The following CLSTN2 variants were observed in gnomAD, a reference collection of about 807,000 sequenced individuals.
CLSTN2 encodes calsyntenin 2.
Under a neutral mutation model 101.2 loss-of-function variants are expected in CLSTN2, and 48 were observed. The ratio of observed to expected loss-of-function variants is 0.47; its 90% confidence interval spans 0.38 to 0.60. CLSTN2 has a LOEUF of 0.60. Among genes scored for constraint, CLSTN2 ranks in the 20% least tolerant of loss-of-function variants. The pLI is 0.00. For synonymous variants in CLSTN2, 481 were observed against 463.6 expected, an observed-to-expected ratio of 1.04 and a Z score of -0.48; for missense variants, 1,160 against 1,238.2, an observed-to-expected ratio of 0.94 and a Z score of 0.95.
chr3:140,245,534 T>G (rs1243889022), intron 2 of CLSTN2, among the ~76,000 whole-genome samples: 1 of 152,116 alleles, frequency 6.6e-6, no homozygotes, highest in Non-Finnish European at 1.5e-5. Context: ...AGATGATGAC[T>G]AAAACAAATT....
intron 1 of CLSTN2, among the ~76,000 whole-genome samples, chr3:139,951,768 A>G (rs922316304): frequency 1.6e-4 from 24 of 151,898 alleles, no homozygotes; most frequent in Admixed American, 2.0e-4. Context: ...CATGGTAGGG[A>G]GCAAAAATAA....
intron 8 of CLSTN2, among the ~76,000 whole-genome samples, chr3:140,521,698 T>C (rs1294526025): frequency 1.3e-5 from 2 of 152,198 alleles, no homozygotes; most frequent in African/African-American, 4.8e-5. Flanking sequence ...ACCCTTGGAC[T>C]CTCCAGAGCC....
At chr3:140,172,853 C>T (rs1489359759) in intron 1 of CLSTN2, among the ~76,000 whole-genome samples, 1 of 152,112 alleles carries the variant, frequency 6.6e-6, no homozygotes, top group Admixed American at 6.5e-5. Flanking sequence ...GGAGAAACTG[C>T]CCCCATGATT....
intron 1 of CLSTN2, among the ~76,000 whole-genome samples, chr3:139,938,560 T>G (rs1057225140): frequency 3.9e-5 from 6 of 152,248 alleles, no homozygotes; most frequent in Non-Finnish European, 8.8e-5. Flanking sequence ...AGATAAATAC[T>G]TCTTGGATTC....
At chr3:140,250,082 A>C (rs1351837245) in intron 2 of CLSTN2, among the ~76,000 whole-genome samples, 1 of 152,200 alleles carries the variant, frequency 6.6e-6, no homozygotes, top group Non-Finnish European at 1.5e-5. Context: ...TAGGCAAAAA[A>C]CTTGAAGAAT....
At chr3:140,557,394 T>C (rs898414709) in intron 11 of CLSTN2, among the ~76,000 whole-genome samples, 3 of 152,152 alleles carry the variant, frequency 2.0e-5, no homozygotes, top group African/African-American at 7.2e-5. Context: ...CAGATGGTAG[T>C]TACATTCAAT....
intron 1 of CLSTN2, among the ~76,000 whole-genome samples, chr3:140,029,433 T>A (rs539474254): frequency 1.3e-5 from 2 of 152,324 alleles, no homozygotes; most frequent in African/African-American, 4.8e-5. Flanking sequence ...TAAAGGAGGC[T>A]GGGAGAAAAT....
At chr3:140,151,846 G>A (rs977775937) in intron 1 of CLSTN2, among the ~76,000 whole-genome samples, 1 of 152,188 alleles carries the variant, frequency 6.6e-6, no homozygotes, top group East Asian at 1.9e-4. Context: ...CTAAGCAGTG[G>A]GGGTAGAAAG....
intron 8 of CLSTN2, among the ~76,000 whole-genome samples, chr3:140,471,400 C>T (rs1933844361): frequency 6.6e-6 from 1 of 152,146 alleles, no homozygotes; most frequent in Non-Finnish European, 1.5e-5. Flanking sequence ...GTGACAGCCT[C>T]AATTGACCAG....
At chr3:140,273,352 C>T (rs1284758071) in intron 2 of CLSTN2, among the ~76,000 whole-genome samples, 8 of 152,010 alleles carry the variant, frequency 5.3e-5, no homozygotes, top group Admixed American at 5.2e-4. Flanking sequence ...ACACTCTGCA[C>T]ATGTATCTGG....
At chr3:140,526,686 T>C (rs1439538565) in intron 8 of CLSTN2, among the ~76,000 whole-genome samples, 4 of 148,942 alleles carry the variant, frequency 2.7e-5, no homozygotes, top group African/African-American at 7.4e-5. Context: ...CTTCAAATTA[T>C]ACCATAAGGC....
intron 10 of CLSTN2, among the ~76,000 whole-genome samples, chr3:140,555,443 G>T (rs971771131): frequency 6.6e-6 from 1 of 152,174 alleles, no homozygotes; most frequent in African/African-American, 2.4e-5. Context: ...ATAATAATGA[G>T]TACTTGTGGG....
intron 2 of CLSTN2, among the ~76,000 whole-genome samples, chr3:140,363,945 C>T (rs13074118): frequency 6.6e-5 from 10 of 151,996 alleles, no homozygotes; most frequent in African/African-American, 1.7e-4. Context: ...TTCTCTCATT[C>T]GCAAACCAAG....
chr3:139,970,145 T>A (rs776491740), intron 1 of CLSTN2, among the ~76,000 whole-genome samples: 1 of 152,136 alleles, frequency 6.6e-6, no homozygotes, highest in Admixed American at 6.6e-5. Context: ...TGGGCTGGGG[T>A]GTGGCTTGGA....
At chr3:139,997,004 G>A (rs560290935) in intron 1 of CLSTN2, among the ~76,000 whole-genome samples, 114 of 140,646 alleles carry the variant, frequency 8.1e-4, no homozygotes, top group South Asian at 3.4e-3. Context: ...CCAAGATCGC[G>A]CCATTGCACT....
chr3:140,192,866 C>T (rs2010589668), intron 2 of CLSTN2, among the ~76,000 whole-genome samples: 2 of 151,708 alleles, frequency 1.3e-5, no homozygotes, highest in Non-Finnish European at 3.0e-5. Context: ...GGGGGAGGTT[C>T]TGTTTTCCTG....
intron 9 of CLSTN2, among the ~76,000 whole-genome samples, chr3:140,538,638 T>G (rs1379781983): frequency 6.6e-6 from 1 of 152,230 alleles, no homozygotes; most frequent in African/African-American, 2.4e-5. Context: ...TTGGAGTGCA[T>G]GCCTTCATTT....
chr3:140,197,131 C>A (rs1426602290), intron 2 of CLSTN2, among the ~76,000 whole-genome samples: 2 of 152,330 alleles, frequency 1.3e-5, no homozygotes, highest in South Asian at 4.1e-4. Context: ...AGCACTCTTT[C>A]TTTCCTCTAA....
intron 2 of CLSTN2, among the ~76,000 whole-genome samples, chr3:140,264,593 C>T (rs933235239): frequency 6.6e-6 from 1 of 151,774 alleles, no homozygotes; most frequent in Non-Finnish European, 1.5e-5. Flanking sequence ...GTCTTTGCAG[C>T]ACCTTTATAG....
Sources: allele counts gnomAD v4.1 joint callset (sites outside exome capture counted in the v4.1 genomes callset), GRCh38; gene constraint gnomAD v4.1.1; transcripts MANE v1.5; gene names NCBI Gene and HGNC (gene_info 2026-07-23, HGNC 2026-07-21).